Variants in LDLRAD3 observed in about 807,000 individuals in gnomAD.
The protein encoded by LDLRAD3 is low-density lipoprotein receptor class A domain-containing protein 3.
LDLRAD3 carries 20 observed loss-of-function variants against 29.4 expected under a neutral mutation model. The observed-to-expected ratio is 0.68, with a 90% CI of 0.48 to 0.99. The LOEUF is 0.99. Among genes scored for constraint, LDLRAD3 ranks in the 50% least tolerant of loss-of-function variants. The probability of loss-of-function intolerance (pLI) is 0.00; values close to 1 mark genes in which losing one functional copy is unlikely to be tolerated. For missense variants in LDLRAD3, 420 were observed against 454.3 expected, an observed-to-expected ratio of 0.92 and a Z score of 0.69; for synonymous variants, 157 against 192.7, an observed-to-expected ratio of 0.81 and a Z score of 1.53.
rs138327133 is a variant in LDLRAD3 at position 36,168,077 on chromosome 11, C to A, written c.455-59008C>A. Among the ~76,000 whole-genome samples, 486 of 152,316 alleles carry A rather than the reference C, an allele frequency of 3.2e-3. 2 individuals carry two copies. The highest frequency in any genetic ancestry group is 0.014 in the Middle Eastern group (4 of 294). ...CTACTTTCTCTTCTGGCCCTGCCTT[C>A]AGGTTGCAGGGCAGCCCGGTGACAA... is the stretch of plus-strand genomic sequence containing the variant. On this transcript the variant is annotated intron_variant, in intron 4 of 5. Transcript: ENST00000315571.
At chr11:36,002,968 T>C (rs1178912633) in intron 1 of LDLRAD3, among the ~76,000 whole-genome samples, 2 of 152,258 alleles carry the variant, frequency 1.3e-5, no homozygotes, top group African/African-American at 4.8e-5. Context: ...ACCTTGCATG[T>C]GTTATTACGT....
chr11:36,122,495 A>C (rs1853773626), intron 4 of LDLRAD3, among the ~76,000 whole-genome samples: 1 of 152,220 alleles, frequency 6.6e-6, no homozygotes, highest in Non-Finnish European at 1.5e-5. Context: ...CAGGCTTGGC[A>C]CATGGTAGGA....
At chr11:36,147,814 G>A (rs79457155) in intron 4 of LDLRAD3, among the ~76,000 whole-genome samples, 3,954 of 152,190 alleles carry the variant, frequency 0.026, 171 homozygotes, top group African/African-American at 0.09. Context: ...ACCAGCTTGA[G>A]TCTTTATTGC....
chr11:36,004,086 C>T (rs541655019), intron 1 of LDLRAD3, among the ~76,000 whole-genome samples: 1 of 152,238 alleles, frequency 6.6e-6, no homozygotes, highest in Non-Finnish European at 1.5e-5. Flanking sequence ...ACCCGTGACC[C>T]CTCCCAAATA....
At chr11:36,163,884 G>A (rs1854478791) in intron 4 of LDLRAD3, among the ~76,000 whole-genome samples, 1 of 152,210 alleles carries the variant, frequency 6.6e-6, no homozygotes, top group South Asian at 2.1e-4. Flanking sequence ...CACTGGTTTA[G>A]AGCACTGAAT....
chr11:36,119,102 C>A (rs1853715448), intron 4 of LDLRAD3, among the ~76,000 whole-genome samples: 1 of 151,856 alleles, frequency 6.6e-6, no homozygotes, highest in African/African-American at 2.4e-5. Flanking sequence ...AGCTGATGAG[C>A]TAAAAATAAA....
In LDLRAD3 at chr11:36,230,022, A is replaced by G. The variant is rs1855555310; in HGVS notation, c.*625A>G. On this transcript the variant is annotated 3_prime_UTR_variant, in exon 6 of 6. Coordinates refer to ENST00000315571, the MANE Select transcript of LDLRAD3 (RefSeq NM_174902.4). ...TTTGTGAAGGACTCTGAAACCATCT[A>G]CCCTGTATAAATTCTGGCTTTAGAA... The G allele has an allele frequency of 6.6e-6, 1 of 152,236 alleles. No individual in the cohort carries two copies. The highest frequency in any genetic ancestry group is 1.5e-5 in the Non-Finnish European group (1 of 68,082). The allele number at this position is 152,236 out of a possible 1,614,324, so 9.4% of individuals were successfully genotyped here. A position where few individuals can be genotyped will look rare whatever the true frequency, so the allele number is the denominator to read the frequency against.
intron 4 of LDLRAD3, among the ~76,000 whole-genome samples, chr11:36,219,746 G>A (rs4417243): frequency 0.067 from 10,232 of 152,122 alleles, 451 homozygotes; most frequent in East Asian, 0.2. Flanking sequence ...ATCGAATATA[G>A]AAAAACACAA....
Position 36,177,864 on chromosome 11 carries a change from A to C in LDLRAD3, c.455-49221A>C, listed in dbSNP as rs1033527215. 3.9e-5 allele frequency among the ~76,000 whole-genome samples: 6 copies of C among 152,214 alleles called. No homozygotes were observed. The South Asian group carries it at 6.3e-4, about 16-fold the overall frequency. ...TTTCAAGAGAGCATCAGCTGATACA[A>C]CCTAAGGTCGCCTGGATAAGTATTT... On this transcript the variant is annotated intron_variant, in intron 4 of 5. Coordinates refer to ENST00000315571, the MANE Select transcript of LDLRAD3 (RefSeq NM_174902.4).
chr11:35,950,863 C>T (rs1028993543), intron 1 of LDLRAD3, among the ~76,000 whole-genome samples: 1 of 152,110 alleles, frequency 6.6e-6, no homozygotes, highest in Non-Finnish European at 1.5e-5. Flanking sequence ...GTGGGCGGAT[C>T]ACGAAGTCAG....
intron 1 of LDLRAD3, among the ~76,000 whole-genome samples, chr11:36,009,873 T>C (rs1851933455): frequency 6.6e-6 from 1 of 152,236 alleles, no homozygotes; most frequent in African/African-American, 2.4e-5. Context: ...CTGTAACCAG[T>C]ATCAGGAATT....
intron 1 of LDLRAD3, among the ~76,000 whole-genome samples, chr11:35,971,220 G>A (rs11033348): frequency 0.35 from 52,825 of 152,014 alleles, 9,728 homozygotes; most frequent in East Asian, 0.6. Flanking sequence ...AGAATAGTAG[G>A]CAGGGGTCAT....
chr11:36,207,643 G>A (rs1296021313), intron 4 of LDLRAD3, among the ~76,000 whole-genome samples: 1 of 152,022 alleles, frequency 6.6e-6, no homozygotes, highest in Non-Finnish European at 1.5e-5. Flanking sequence ...GAGTGTGAAG[G>A]GCTATTGAAG....
At chr11:36,176,270 C>T (rs1437280681) in intron 4 of LDLRAD3, among the ~76,000 whole-genome samples, 1 of 152,102 alleles carries the variant, frequency 6.6e-6, no homozygotes, top group Admixed American at 6.6e-5. Flanking sequence ...TATTCTTTCT[C>T]TTTTAAGTGG....
intron 4 of LDLRAD3, among the ~76,000 whole-genome samples, chr11:36,184,540 G>C (rs1854817909): frequency 6.6e-6 from 1 of 152,122 alleles, no homozygotes; most frequent in Non-Finnish European, 1.5e-5. Context: ...ATTCATTGAA[G>C]ACTGTGATAA....
At chr11:36,107,752 T>A (rs1251619506) in intron 4 of LDLRAD3, among the ~76,000 whole-genome samples, 1 of 152,154 alleles carries the variant, frequency 6.6e-6, no homozygotes, top group Non-Finnish European at 1.5e-5. Context: ...TCCTTCCAGC[T>A]TTGTGTAAGT....
chr11:36,148,298 C>T (rs1244051832), intron 4 of LDLRAD3, among the ~76,000 whole-genome samples: 1 of 152,074 alleles, frequency 6.6e-6, no homozygotes, highest in Non-Finnish European at 1.5e-5. Context: ...GTGTTTTAAC[C>T]CCTGCCCTGT....
At position 36,227,397 on chromosome 11, in the gene LDLRAD3, C is replaced by T; in HGVS notation, c.767C>T (p.Pro256Leu). 1 of 1,600,478 alleles carries T rather than the reference C, an allele frequency of 6.2e-7. No individual in the cohort carries two copies. Among genetic ancestry groups the T allele is most frequent in the Non-Finnish European group, 8.5e-7 (1 of 1,173,288 alleles). The part of the protein sequence containing the change: ...AEQNASEVGS[P>L]PSYSEALLDQ... ...CAGAATGCGTCGGAAGTAGGCTCCC[C>T]ACCCTCCTACTCCGAGGCCTTGCTG... Residue 256 changes from proline (P) to leucine (L), a missense_variant, in exon 5 of 6, where the codon CCA (proline) becomes CTA (leucine). Physicochemically the swap from Pro to Leu is moderately conservative, Grantham distance 98. Transcript: ENST00000315571.
chr11:36,149,575 T>C (rs757576584), intron 4 of LDLRAD3, among the ~76,000 whole-genome samples: 14 of 152,192 alleles, frequency 9.2e-5, no homozygotes, highest in Non-Finnish European at 1.8e-4. Flanking sequence ...GGAGTTTGAA[T>C]CTGTTCGCTG....
Sources: allele counts gnomAD v4.1 joint callset (sites outside exome capture counted in the v4.1 genomes callset), GRCh38; gene constraint gnomAD v4.1.1; transcripts MANE v1.5; gene names NCBI Gene and HGNC (gene_info 2026-07-23, HGNC 2026-07-21).